The following SASH1 variants were observed in gnomAD, a reference collection of about 807,000 sequenced individuals.
The protein encoded by SASH1 is SAM and SH3 domain-containing protein 1.
Under a neutral mutation model 125.2 loss-of-function variants are expected in SASH1, and 44 were observed. The ratio of observed to expected loss-of-function variants is 0.35; its 90% confidence interval spans 0.28 to 0.45. SASH1 has a LOEUF of 0.45. Ranked by LOEUF, SASH1 falls within the 20% of genes least tolerant of loss-of-function variation. The pLI is 1.00. For synonymous variants in SASH1, 639 were observed against 649.1 expected, an observed-to-expected ratio of 0.98 and a Z score of 0.24; for missense variants, 1,426 against 1,614.5, an observed-to-expected ratio of 0.88 and a Z score of 2.00.
intron 1 of SASH1, among the ~76,000 whole-genome samples, chr6:148,378,273 C>G (rs370237796): frequency 6.6e-6 from 1 of 152,016 alleles, no homozygotes; most frequent in African/African-American, 2.4e-5. Flanking sequence ...AGGCTAGTCT[C>G]AAACTCCCAA....
In SASH1 at chr6:148,544,417, C is replaced by G. The variant is rs373562143; in HGVS notation, c.2947C>G (p.Gln983Glu). 1.9e-6 allele frequency: 3 copies of G among 1,614,100 alleles called. No individual in the cohort carries two copies. The highest frequency in any genetic ancestry group is 2.5e-6 in the Non-Finnish European group (3 of 1,180,048). The part of the protein sequence containing the change: ...EQRMQPKIPS[Q>E]PPPVPAKKSR... ...GAGAATGCAGCCCAAAATTCCATCA[C>G]AGCCTCCACCTGTTCCTGCCAAAAA... The change falls in exon 18 of 20, where the codon CAG becomes GAG. Residue 983 changes from glutamine (Q) to glutamate (E), a missense_variant. By Grantham distance (29) the Gln-to-Glu change is conservative. Around this residue, in one of 3 missense-constraint regions of SASH1, gnomAD observed 634 missense variants for 694.4 expected, o/e 0.91. Transcript: ENST00000367467. This position sits in a 1 kb window ranked among gnomAD's most constrained non-coding sequence, Gnocchi z 6.4.
At position 148,548,289 on chromosome 6, in the gene SASH1, A is replaced by G; in HGVS notation, c.3481-6A>G. 1 of 1,604,160 alleles carries G rather than the reference A, an allele frequency of 6.2e-7. No homozygotes were observed. Among genetic ancestry groups the G allele is most frequent in the Non-Finnish European group, 8.5e-7 (1 of 1,175,014 alleles). On this transcript the variant is annotated splice_polypyrimidine_tract_variant and splice_region_variant and intron_variant, in intron 19 of 19. Transcript: ENST00000367467. ...TTTCTATCATATTCTTTCTTAATTTATCCAGATTCCAAGTGGTGGACTCAC... is the reference window on the plus strand; with the variant it reads ...TTTCTATCATATTCTTTCTTAATTTGTCCAGATTCCAAGTGGTGGACTCAC...
At chr6:148,457,795 C>T (rs78400318) in intron 4 of SASH1, among the ~76,000 whole-genome samples, 2,668 of 152,262 alleles carry the variant, frequency 0.018, 77 homozygotes, top group African/African-American at 0.062. Flanking sequence ...AGGAAACTTG[C>T]AATCATGGTA....
At chr6:148,404,699 C>T (rs1370511406) in intron 2 of SASH1, among the ~76,000 whole-genome samples, 1 of 112,742 alleles carries the variant, frequency 8.9e-6, no homozygotes, top group African/African-American at 3.5e-5. Context: ...CCCCCACCAC[C>T]TGCCCCCCAA....
At chr6:148,454,433 T>A (rs898326433) in intron 4 of SASH1, among the ~76,000 whole-genome samples, 2 of 152,212 alleles carry the variant, frequency 1.3e-5, no homozygotes, top group African/African-American at 4.8e-5. Context: ...TTCGGAGAAA[T>A]GTAATCCGGC....
intron 1 of SASH1, among the ~76,000 whole-genome samples, chr6:148,354,032 G>A (rs1781835761): frequency 6.6e-6 from 1 of 152,060 alleles, no homozygotes; most frequent in Admixed American, 6.6e-5. Context: ...GAGTAACCAG[G>A]CATGGACCTG....
intron 2 of SASH1, among the ~76,000 whole-genome samples, chr6:148,439,156 A>G (rs985980285): frequency 5.3e-5 from 8 of 152,166 alleles, no homozygotes; most frequent in Admixed American, 4.6e-4. Flanking sequence ...GTTTTCTTTT[A>G]CTTTCAAAGG....
Position 148,519,712 on chromosome 6 carries a change from C to T in SASH1, c.1028C>T (p.Thr343Ile), listed in dbSNP as rs1358325910. Reference sequence around the variant, plus strand: ...TCTCCATCCTCCAGCAGCCTGGACACCTGGGGGGCTGGCCGGAAGTTGGTC... The same window carrying T: ...TCTCCATCCTCCAGCAGCCTGGACATCTGGGGGGCTGGCCGGAAGTTGGTC... ...TTSPSSSSLD[T>I]WGAGRKLVKT... The change falls in exon 10 of 20, where the codon ACC becomes ATC. Residue 343 changes from threonine (T) to isoleucine (I), a missense_variant. By Grantham distance (89) the Thr-to-Ile change is moderately conservative. Transcript: ENST00000367467. The surrounding 1 kb of genome is among the most constrained non-coding windows in gnomAD (Gnocchi z 4.8). The T allele has an allele frequency of 1.5e-5, 25 of 1,614,028 alleles. No homozygotes were observed. The highest frequency in any genetic ancestry group is 2.0e-5 in the Non-Finnish European group (24 of 1,180,054).
At chr6:148,307,952 A>C (rs919387998) in intron 1 of SASH1, among the ~76,000 whole-genome samples, 3 of 152,164 alleles carry the variant, frequency 2.0e-5, no homozygotes, top group African/African-American at 7.2e-5. Flanking sequence ...TGATCCTAGC[A>C]GGAGATCTAT....
At chr6:148,220,319 C>A in the SASH1 span, among the ~76,000 whole-genome samples, 1 of 151,838 alleles carries the variant, frequency 6.6e-6, no homozygotes, top group African/African-American at 2.4e-5. Flanking sequence ...TGTGTGCTCA[C>A]ATGGCGGAAG....
chr6:148,459,920 C>T (rs1455275430), intron 4 of SASH1, among the ~76,000 whole-genome samples: 1 of 152,134 alleles, frequency 6.6e-6, no homozygotes, highest in African/African-American at 2.4e-5. Flanking sequence ...GCTTTGAATA[C>T]TGGCACTTGG....
At chr6:148,510,962 C>T (rs1321127360) in intron 8 of SASH1, among the ~76,000 whole-genome samples, 1 of 147,144 alleles carries the variant, frequency 6.8e-6, no homozygotes, top group East Asian at 2.0e-4. Context: ...CACCACTGCA[C>T]CCCAGCCTGG....
At chr6:148,487,502 C>A (rs534668848) in intron 7 of SASH1, 112 bp from the exon 8 acceptor site, 2 of 756,414 alleles carry the variant, frequency 2.6e-6, no homozygotes, top group South Asian at 1.7e-5. Flanking sequence ...TGCGTGAGCA[C>A]AAGATTATGA....
chr6:148,332,422 A>C (rs1343143968), intron 1 of SASH1, among the ~76,000 whole-genome samples: 1 of 152,208 alleles, frequency 6.6e-6, no homozygotes, highest in Non-Finnish European at 1.5e-5. Context: ...AATCTTTCAG[A>C]TTTAATCTCT....
intron 2 of SASH1, among the ~76,000 whole-genome samples, chr6:148,422,194 C>T (rs1785131849): frequency 6.6e-6 from 1 of 152,198 alleles, no homozygotes; most frequent in Non-Finnish European, 1.5e-5. Flanking sequence ...GCAGACAGGG[C>T]TGCTTTTATA....
chr6:148,257,074 C>T, the SASH1 span, among the ~76,000 whole-genome samples: 6 of 152,196 alleles, frequency 3.9e-5, no homozygotes, highest in East Asian at 1.2e-3. Flanking sequence ...AATTAAATAT[C>T]AATACGGCTG....
rs1384246083 is a variant in SASH1, at chr6:148,495,332, G to A, written c.729+7617G>A. ...TGTGATTTCACTGCTTTTTGGAGCA[G>A]AGTGGCAGCATCCTTCTACTTGTAT... On this transcript the variant is annotated intron_variant, in intron 8 of 19. Coordinates refer to ENST00000367467, the MANE Select transcript of SASH1 (RefSeq NM_015278.5). This position sits in a 1 kb window ranked among gnomAD's most constrained non-coding sequence, Gnocchi z 4.0. Among the ~76,000 whole-genome samples, 1 of 152,224 alleles carries A rather than the reference G, an allele frequency of 6.6e-6. No individual in the cohort carries two copies. Among genetic ancestry groups the A allele is most frequent in the Non-Finnish European group, 1.5e-5 (1 of 68,030 alleles).
At chr6:148,466,343 C>T (rs778133461) in intron 4 of SASH1, among the ~76,000 whole-genome samples, 20 of 152,158 alleles carry the variant, frequency 1.3e-4, no homozygotes, top group Non-Finnish European at 2.6e-4. Flanking sequence ...TGCACTCAGC[C>T]GTGGAGAATG....
At chr6:148,462,982 G>A (rs565332841) in intron 4 of SASH1, among the ~76,000 whole-genome samples, 8 of 152,176 alleles carry the variant, frequency 5.3e-5, no homozygotes, top group African/African-American at 1.9e-4. Flanking sequence ...CATTTGAGAG[G>A]TGGAATTCTA....
Sources: allele counts gnomAD v4.1 joint callset (sites outside exome capture counted in the v4.1 genomes callset), GRCh38; gene constraint gnomAD v4.1.1; regional missense constraint gnomAD v4.1.1; non-coding constraint Gnocchi (gnomAD v3.1); transcripts MANE v1.5; gene names NCBI Gene and HGNC (gene_info 2026-07-23, HGNC 2026-07-21).